Variants in SLC9A9 observed in about 807,000 individuals in gnomAD.
The protein encoded by SLC9A9 is sodium/hydrogen exchanger 9.
SLC9A9 carries 62 observed loss-of-function variants against 77.8 expected under a neutral mutation model. The ratio of observed to expected loss-of-function variants is 0.80; its 90% CI spans 0.65 to 0.98. SLC9A9 has a LOEUF of 0.98. Ranked by LOEUF, SLC9A9 falls within the 50% of genes least tolerant of loss-of-function variation. The probability of loss-of-function intolerance (pLI) is 0.00; values close to 1 mark genes in which losing one functional copy is unlikely to be tolerated. For missense variants in SLC9A9, 775 were observed against 774.9 expected (o/e 1.00, Z 0.00); for synonymous variants, 320 against 283.5 (o/e 1.13, Z -1.29).
At chr3:143,687,501 C>T (rs1933309072) in intron 5 of SLC9A9, among the ~76,000 whole-genome samples, 1 of 152,038 alleles carries the variant, frequency 6.6e-6, no homozygotes, top group Admixed American at 6.5e-5. Context: ...TTAAGGGTTC[C>T]TATTCATGTG....
rs55750613 is a variant in SLC9A9, at chr3:143,772,022, A to ATGTGTGTGTGTGTGTG, written c.533+22963_533+22978dup. Among the ~76,000 whole-genome samples, 560 of 141,702 alleles carry ATGTGTGTGTGTGTGTG rather than the reference A, an allele frequency of 4.0e-3. 6 individuals carry two copies. Among genetic ancestry groups the ATGTGTGTGTGTGTGTG allele is most frequent in the African/African-American group, 0.013 (505 of 38,138 alleles). 93.0% of individuals were successfully genotyped at this position (141,702 alleles called of 152,430 possible). A position where few individuals can be genotyped will look rare whatever the true frequency, so the allele number is the denominator to read the frequency against. On this transcript the variant is annotated intron_variant, in intron 4 of 15. Coordinates refer to ENST00000316549, the MANE Select transcript of SLC9A9 (RefSeq NM_173653.4). ...AAGACAGCCTCAGAGCATCCCCAGA[A>ATGTGTGTGTGTGTGTG]TGTGTGTGTGTGTGTGTGTGTGTGT...
chr3:143,402,369 T>C (rs1347391583), intron 12 of SLC9A9, among the ~76,000 whole-genome samples: 5 of 152,104 alleles, frequency 3.3e-5, no homozygotes, highest in Non-Finnish European at 7.4e-5. Flanking sequence ...TAAAGTGAAC[T>C]TGAAATCTGC....
At chr3:143,300,657 C>T (rs2030480985) in intron 14 of SLC9A9, among the ~76,000 whole-genome samples, 1 of 152,200 alleles carries the variant, frequency 6.6e-6, no homozygotes, top group Non-Finnish European at 1.5e-5. Flanking sequence ...TGAGCAATGG[C>T]TCTTAAACTC....
intron 14 of SLC9A9, among the ~76,000 whole-genome samples, chr3:143,279,660 C>A (rs538011823): frequency 6.6e-6 from 1 of 152,076 alleles, no homozygotes; most frequent in East Asian, 1.9e-4. Context: ...TGAGAACATG[C>A]GGTGTTTGGT....
At chr3:143,704,852 C>A (rs1194086529) in intron 4 of SLC9A9, among the ~76,000 whole-genome samples, 1 of 151,922 alleles carries the variant, frequency 6.6e-6, no homozygotes, top group Non-Finnish European at 1.5e-5. Flanking sequence ...ATAAGCTGGA[C>A]ATTGTGGTAC....
chr3:143,495,288 T>C, intron 10 of SLC9A9, 47 bp downstream of exon 10: 1 of 1,459,576 alleles, frequency 6.9e-7, no homozygotes, highest in Non-Finnish European at 9.6e-7. Flanking sequence ...AAGTAAGTCA[T>C]TCGTTATCTT....
intron 4 of SLC9A9, among the ~76,000 whole-genome samples, chr3:143,699,331 CAA>C (rs79999345): frequency 3.3e-5 from 5 of 151,518 alleles, no homozygotes; most frequent in Non-Finnish European, 5.9e-5. Flanking sequence ...ACTATCTACA[CAA>C]AAAAAAAGCA....
At position 143,716,313 on chromosome 3, in the gene SLC9A9, A is replaced by G. The variant is rs542479533; in HGVS notation, c.534-23006T>C. 2.6e-5 allele frequency among the ~76,000 whole-genome samples: 4 copies of G among 152,004 alleles called. No individual in the cohort carries two copies. The East Asian group carries it at 7.7e-4, about 29-fold the overall frequency. On this transcript the variant is annotated intron_variant, in intron 4 of 15. Transcript: ENST00000316549. ...GGTCTCAGACTCCTGGGCTCAAGCAATTCTCCCACCTCAGCCTCCCAAAAT... is the reference window on the plus strand; with the variant it reads ...GGTCTCAGACTCCTGGGCTCAAGCAGTTCTCCCACCTCAGCCTCCCAAAAT...
chr3:143,794,309 T>C (rs780944612), intron 4 of SLC9A9, among the ~76,000 whole-genome samples: 3 of 135,350 alleles, frequency 2.2e-5, no homozygotes, highest in Non-Finnish European at 3.1e-5. Flanking sequence ...ATCACAGTCA[T>C]AGTACCTGGA....
At chr3:143,831,732 G>T (rs928337248) in intron 2 of SLC9A9, among the ~76,000 whole-genome samples, 7 of 152,130 alleles carry the variant, frequency 4.6e-5, no homozygotes, top group Admixed American at 4.6e-4. Flanking sequence ...AGGCAGAGTT[G>T]ATAAATGTTT....
intron 14 of SLC9A9, among the ~76,000 whole-genome samples, chr3:143,269,489 A>T (rs1015970531): frequency 6.6e-6 from 1 of 152,214 alleles, no homozygotes; most frequent in Admixed American, 6.5e-5. Context: ...AACTTCATAC[A>T]TCAATGGATT....
intron 11 of SLC9A9, among the ~76,000 whole-genome samples, chr3:143,476,316 C>A (rs2035475966): frequency 6.6e-6 from 1 of 152,210 alleles, no homozygotes; most frequent in South Asian, 2.1e-4. Context: ...ACAAGTAGAG[C>A]TTTCCCTCGT....
intron 13 of SLC9A9, among the ~76,000 whole-genome samples, chr3:143,376,609 A>G (rs1242964788): frequency 1.3e-5 from 2 of 152,200 alleles, no homozygotes; most frequent in African/African-American, 4.8e-5. Context: ...CCTTATTATC[A>G]TTCCTACTTT....
At chr3:143,584,493 G>A (rs1043148047) in intron 6 of SLC9A9, among the ~76,000 whole-genome samples, 1 of 152,162 alleles carries the variant, frequency 6.6e-6, no homozygotes, top group African/African-American at 2.4e-5. Flanking sequence ...TGAACATATT[G>A]TATCTCTTGC....
chr3:143,299,579 GACTACAGGTGCCTGCC>G (rs1255213685), intron 14 of SLC9A9, among the ~76,000 whole-genome samples: 1 of 152,096 alleles, frequency 6.6e-6, no homozygotes, highest in Non-Finnish European at 1.5e-5. Context: ...CAGTAGCTGG[GACTACAGGTGCCTGCC>G]ACCTCATCTG....
chr3:143,662,994 G>T (rs544363511), intron 5 of SLC9A9, among the ~76,000 whole-genome samples: 38 of 152,178 alleles, frequency 2.5e-4, no homozygotes, highest in Non-Finnish European at 5.3e-4. Flanking sequence ...CCTCAAGTGG[G>T]TCCCTGACCC....
intron 1 of SLC9A9, chr3:143,847,812 C>T (rs560275983): frequency 2.9e-6 from 1 of 341,074 alleles, no homozygotes; most frequent in East Asian, 6.3e-5. Flanking sequence ...GAAGGCTGCT[C>T]TTTGTGACTG....
intron 12 of SLC9A9, among the ~76,000 whole-genome samples, chr3:143,405,783 T>C (rs1300886907): frequency 6.6e-6 from 1 of 152,168 alleles, no homozygotes; most frequent in East Asian, 1.9e-4. Flanking sequence ...GAGTAGTGTT[T>C]TCATAACATT....
intron 12 of SLC9A9, among the ~76,000 whole-genome samples, chr3:143,386,167 C>G (rs973621637): frequency 3.5e-4 from 54 of 152,202 alleles, no homozygotes; most frequent in African/African-American, 1.3e-3. Context: ...TAGCTGTACT[C>G]CTCCTACTCT....
Sources: allele counts gnomAD v4.1 joint callset (sites outside exome capture counted in the v4.1 genomes callset), GRCh38; gene constraint gnomAD v4.1.1; transcripts MANE v1.5; gene names NCBI Gene and HGNC (gene_info 2026-07-23, HGNC 2026-07-21).